SLC25A44: variants seen among roughly 807,000 people sequenced by gnomAD.
SLC25A44 encodes solute carrier family 25 member 44.
In SLC25A44, 17 loss-of-function variants were observed where a neutral mutation model predicts 29.9. That is an observed-to-expected ratio of 0.57 (90% confidence interval 0.39 to 0.85). The LOEUF (loss-of-function observed/expected upper bound fraction) is 0.85, where lower values mean the gene tolerates loss of function less well. SLC25A44 is among the 40% of genes least tolerant of loss of function. The probability of loss-of-function intolerance (pLI) is 0.00; values close to 1 mark genes in which losing one functional copy is unlikely to be tolerated. For synonymous variants in SLC25A44, 140 were observed against 151.8 expected (o/e 0.92, Z 0.57); for missense variants, 302 against 398.4 (o/e 0.76, Z 2.06).
At chr1:156,201,552 T>C (rs1181006021) in intron 2 of SLC25A44, among the ~76,000 whole-genome samples, 10 of 152,208 alleles carry the variant, frequency 6.6e-5, no homozygotes, top group African/African-American at 1.2e-4. Flanking sequence ...CTCTGTACTT[T>C]CCTGGTGCTT....
At chr1:156,204,488 G>GT (rs1558180168) in intron 2 of SLC25A44, among the ~76,000 whole-genome samples, 1 of 151,910 alleles carries the variant, frequency 6.6e-6, no homozygotes, top group Admixed American at 6.6e-5. Context: ...GCTACAGTTG[G>GT]TTTTTTTGTT....
intron 2 of SLC25A44, among the ~76,000 whole-genome samples, chr1:156,205,046 A>T (rs2736606): frequency 0.42 from 62,381 of 148,044 alleles, 14,322 homozygotes; most frequent in African/African-American, 0.64. Context: ...TGAGGAAAAA[A>T]TTTTTTTTTT....
At chr1:156,200,602 T>C in intron 2 of SLC25A44, 130 bp downstream of exon 2, 1 of 878,374 alleles carries the variant, frequency 1.1e-6, no homozygotes. Flanking sequence ...AGCAAATGTT[T>C]GAATCCAGGA....
intron 1 of SLC25A44, 84 bp from the exon 2 acceptor site, chr1:156,199,751 T>C: frequency 8.3e-7 from 1 of 1,207,094 alleles, no homozygotes; most frequent in East Asian, 2.3e-5. Flanking sequence ...GGGCTGAGAA[T>C]GGGCCTTCAG....
intron 2 of SLC25A44, among the ~76,000 whole-genome samples, chr1:156,203,699 CTTTTTTTTTTTT>C (rs56890643): frequency 9.4e-6 from 1 of 106,782 alleles, no homozygotes; most frequent in South Asian, 3.4e-4. Context: ...ATTCTCTTTC[CTTTTTTTTTTTT>C]TTTTTTTTTT....
intron 2 of SLC25A44, 70 bp from the exon 3 acceptor site, chr1:156,207,816 G>A: frequency 6.4e-7 from 1 of 1,572,908 alleles, no homozygotes; most frequent in Non-Finnish European, 8.7e-7. Context: ...CCTGGTAGAA[G>A]CAGCAAGCAC....
At position 156,210,766 on chromosome 1, in the gene SLC25A44, G is replaced by C. The variant is rs1657250388; in HGVS notation, c.*335G>C. 6.3e-6 allele frequency: 1 copy of C among 158,472 alleles called. No homozygotes were observed. Among genetic ancestry groups the C allele is most frequent in the South Asian group, 2.0e-4 (1 of 5,110 alleles). 9.8% of individuals were successfully genotyped at this position (158,472 alleles called of 1,614,324 possible). A position where few individuals can be genotyped will look rare whatever the true frequency, so the allele number is the denominator to read the frequency against. On this transcript the variant is annotated 3_prime_UTR_variant, in exon 4 of 4. Transcript: ENST00000359511. ...CTGTGTCCCTGAGACCCTGAGAAGA[G>C]CTGTACATAGAGCTTGCTTACTACC...
intron 2 of SLC25A44, among the ~76,000 whole-genome samples, chr1:156,200,938 C>T (rs1049741438): frequency 1.3e-5 from 2 of 148,550 alleles, no homozygotes. Context: ...CGGGTTCAAG[C>T]GATTCTTGTG....
At chr1:156,207,837 G>C in intron 2 of SLC25A44, 49 bp from the exon 3 acceptor site, 1 of 1,609,000 alleles carries the variant, frequency 6.2e-7, no homozygotes, top group Non-Finnish European at 8.5e-7. Context: ...AGTGAGGGCA[G>C]ACCGGTGGTG....
chr1:156,207,369 C>T lies in SLC25A44; in HGVS notation c.626-517C>T, dbSNP rs565548566. Among the ~76,000 whole-genome samples, 16 of 152,158 alleles carry T rather than the reference C, an allele frequency of 1.1e-4. No individual in the cohort carries two copies. In the South Asian group the frequency reaches 1.9e-3, roughly 18 times the overall value. On this transcript the variant is annotated intron_variant, in intron 2 of 3. Transcript: ENST00000359511. ...ATTTTCTTTGTATTTTTAGTAGAGACGGGGTTTCACCATGTTAGCCAGGAT... is the reference window on the plus strand; with the variant it reads ...ATTTTCTTTGTATTTTTAGTAGAGATGGGGTTTCACCATGTTAGCCAGGAT...
chr1:156,204,679 G>T (rs1656820354), intron 2 of SLC25A44, among the ~76,000 whole-genome samples: 1 of 151,866 alleles, frequency 6.6e-6, no homozygotes, highest in Non-Finnish European at 1.5e-5. Flanking sequence ...GTAGAGATGG[G>T]GTTTTACCAT....
intron 3 of SLC25A44, among the ~76,000 whole-genome samples, chr1:156,209,097 T>C (rs990550118): frequency 7.9e-5 from 12 of 152,160 alleles, no homozygotes; most frequent in African/African-American, 2.4e-4. Context: ...GTAACAAATA[T>C]AGGTATTTTT....
At chr1:156,207,767 T>TGGTGAAG (rs1657045521) in intron 2 of SLC25A44, 119 bp from the exon 3 acceptor site, 12 of 979,592 alleles carry the variant, frequency 1.2e-5, no homozygotes, top group Non-Finnish European at 1.7e-5. Flanking sequence ...AGGACTTAGG[T>TGGTGAAG]GGTGAAGGGT....
chr1:156,205,040 G>A (rs986492458), intron 2 of SLC25A44, among the ~76,000 whole-genome samples: 2 of 150,564 alleles, frequency 1.3e-5, no homozygotes, highest in Non-Finnish European at 3.0e-5. Flanking sequence ...GGAGCATGAG[G>A]AAAAAATTTT....
chr1:156,195,935 A>G (rs777283905), intron 1 of SLC25A44, among the ~76,000 whole-genome samples: 26 of 152,250 alleles, frequency 1.7e-4, no homozygotes, highest in Non-Finnish European at 2.8e-4. Flanking sequence ...GGTAGGGTCA[A>G]TAGTGAGAGC....
chr1:156,195,179 C>G (rs1656129943), intron 1 of SLC25A44, among the ~76,000 whole-genome samples: 1 of 151,664 alleles, frequency 6.6e-6, no homozygotes, highest in South Asian at 2.1e-4. Flanking sequence ...TCTCGGCTCA[C>G]TGCAAGCTCC....
intron 2 of SLC25A44, 110 bp downstream of exon 2, chr1:156,200,582 T>A: frequency 1.0e-6 from 1 of 988,004 alleles, no homozygotes; most frequent in Non-Finnish European, 1.5e-6. Flanking sequence ...GGGGAATGGG[T>A]CATTCACTCA....
At chr1:156,206,207 G>C (rs1272591444) in intron 2 of SLC25A44, among the ~76,000 whole-genome samples, 2 of 151,340 alleles carry the variant, frequency 1.3e-5, no homozygotes, top group Non-Finnish European at 2.9e-5. Context: ...TGTAGAGACA[G>C]TCAGTGTCAC....
chr1:156,200,064 C>G lies in SLC25A44; in HGVS notation c.217C>G (p.Leu73Val). The change falls in exon 2 of 4, where the codon CTC becomes GTC. Residue 73 changes from leucine (L) to valine (V), a missense_variant. Physicochemically the swap from Leu to Val is conservative, Grantham distance 32 (BLOSUM62 1). Transcript: ENST00000359511. ...KILRADGITG[L>V]YRGFLVNTFT... Reference sequence around the variant, plus strand: ...CCTGCGAGCAGATGGTATCACTGGCCTCTACCGAGGGTTCCTGGTCAATAC... The same window carrying G: ...CCTGCGAGCAGATGGTATCACTGGCGTCTACCGAGGGTTCCTGGTCAATAC... 6.2e-7 allele frequency: 1 copy of G among 1,614,156 alleles called. No homozygotes were observed. The highest frequency in any genetic ancestry group is 8.5e-7 in the Non-Finnish European group (1 of 1,180,018).
Sources: allele counts gnomAD v4.1 joint callset (sites outside exome capture counted in the v4.1 genomes callset), GRCh38; gene constraint gnomAD v4.1.1; transcripts MANE v1.5; gene names NCBI Gene and HGNC (gene_info 2026-07-23, HGNC 2026-07-21).